The following DLGAP1 variants were observed in gnomAD, a reference collection of about 807,000 sequenced individuals.
The protein encoded by DLGAP1 is DLG associated protein 1.
In DLGAP1, 11 loss-of-function variants were observed where a neutral mutation model predicts 90.8. The observed-to-expected ratio is 0.12, with a 90% CI of 0.08 to 0.20. The LOEUF (loss-of-function observed/expected upper bound fraction) is 0.20, where lower values mean the gene tolerates loss of function less well. Among genes scored for constraint, DLGAP1 ranks in the 10% least tolerant of loss-of-function variants. The pLI is 1.00. For synonymous variants in DLGAP1, 558 were observed against 540.7 expected (o/e 1.03, Z -0.44); for missense variants, 1,050 against 1,333.8 (o/e 0.79, Z 3.31).
At chr18:4,113,901 G>T (rs2076016023) in intron 2 of DLGAP1, among the ~76,000 whole-genome samples, 1 of 151,938 alleles carries the variant, frequency 6.6e-6, no homozygotes, top group Non-Finnish European at 1.5e-5. Flanking sequence ...TATTGACTTT[G>T]TCAAAGATCA....
At chr18:4,452,231 C>T (rs887388630) in intron 1 of DLGAP1, among the ~76,000 whole-genome samples, 3 of 151,958 alleles carry the variant, frequency 2.0e-5, no homozygotes, top group Non-Finnish European at 4.4e-5. Context: ...ATAGAAATTT[C>T]ACTATAGAAA....
intron 1 of DLGAP1, among the ~76,000 whole-genome samples, chr18:4,205,994 G>C (rs2077713579): frequency 6.6e-6 from 1 of 152,158 alleles, no homozygotes; most frequent in Non-Finnish European, 1.5e-5. Flanking sequence ...GAGGTGGAGA[G>C]AGTTGCCTAT....
chr18:3,939,416 C>CAAAAAAAAAAAAA (rs10591716), intron 3 of DLGAP1, among the ~76,000 whole-genome samples: 3 of 82,126 alleles, frequency 3.7e-5, no homozygotes, highest in Admixed American at 1.4e-4. Flanking sequence ...GATTCTGTCT[C>CAAAAAAAAAAAAA]AAAAAAAAAA....
chr18:3,512,300 G>T (rs543639623), intron 10 of DLGAP1, among the ~76,000 whole-genome samples: 1 of 152,182 alleles, frequency 6.6e-6, no homozygotes, highest in Non-Finnish European at 1.5e-5. Context: ...CCCAGACACC[G>T]TATAGGCACC....
intron 3 of DLGAP1, among the ~76,000 whole-genome samples, chr18:3,950,360 C>T (rs1331914411): frequency 3.3e-5 from 5 of 152,230 alleles, no homozygotes; most frequent in Admixed American, 6.5e-5. Flanking sequence ...CCAGTTAGCA[C>T]CTCTTCATGG....
intron 1 of DLGAP1, among the ~76,000 whole-genome samples, chr18:4,289,107 G>A (rs1253307276): frequency 6.6e-6 from 1 of 152,252 alleles, no homozygotes; most frequent in East Asian, 1.9e-4. Flanking sequence ...ATACTGCCCT[G>A]TTCTGACCTA....
chr18:3,632,055 A>G (rs996235039), intron 7 of DLGAP1, among the ~76,000 whole-genome samples: 1 of 152,120 alleles, frequency 6.6e-6, no homozygotes, highest in African/African-American at 2.4e-5. Context: ...GGTTACAGGC[A>G]TGAGCCACTG....
intron 1 of DLGAP1, among the ~76,000 whole-genome samples, chr18:4,402,030 G>A (rs1405150448): frequency 6.6e-6 from 1 of 152,186 alleles, no homozygotes; most frequent in African/African-American, 2.4e-5. Flanking sequence ...CACAGACAGG[G>A]AGAGTAAAGT....
chr18:3,613,812 T>C (rs2057735159), intron 7 of DLGAP1, among the ~76,000 whole-genome samples: 1 of 152,218 alleles, frequency 6.6e-6, no homozygotes, highest in Admixed American at 6.5e-5. Context: ...AACTACAGGA[T>C]GGCTGTTACA....
intron 7 of DLGAP1, among the ~76,000 whole-genome samples, chr18:3,634,396 G>T (rs2058627377): frequency 6.6e-6 from 1 of 152,004 alleles, no homozygotes; most frequent in Admixed American, 6.6e-5. Context: ...TGAAAACTTT[G>T]ATCTCCCTTT....
Position 3,497,398 on chromosome 18 carries a change from G to A in DLGAP1, c.*1787C>T, listed in dbSNP as rs1025963936. The A allele has an allele frequency of 6.6e-6, 1 of 152,154 alleles. No homozygotes were observed. The highest frequency in any genetic ancestry group is 6.6e-5 in the Admixed American group (1 of 15,264). The allele number at this position is 152,154 out of a possible 1,614,324, so 9.4% of individuals were successfully genotyped here. A position where few individuals can be genotyped will look rare whatever the true frequency, so the allele number is the denominator to read the frequency against. ...AGCCCTTTTCTTGTAAACCACAGCA[G>A]TAAACATTTGTGCCCTGTTTATAAA... On this transcript the variant is annotated 3_prime_UTR_variant, in exon 13 of 13. Transcript: ENST00000315677.
At chr18:3,967,509 A>T (rs1364716469) in intron 3 of DLGAP1, among the ~76,000 whole-genome samples, 1 of 152,254 alleles carries the variant, frequency 6.6e-6, no homozygotes, top group Non-Finnish European at 1.5e-5. Flanking sequence ...GTTGAGGCCC[A>T]GGAACCTGAG....
At chr18:3,988,571 C>T (rs1307420049) in intron 3 of DLGAP1, among the ~76,000 whole-genome samples, 12 of 152,064 alleles carry the variant, frequency 7.9e-5, no homozygotes, top group African/African-American at 2.4e-4. Flanking sequence ...ATAGGGTTGG[C>T]GCTCCCATGA....
chr18:4,432,523 G>T (rs1156479746), intron 1 of DLGAP1, among the ~76,000 whole-genome samples: 1 of 151,298 alleles, frequency 6.6e-6, no homozygotes, highest in Non-Finnish European at 1.5e-5. Flanking sequence ...TGCACAAGTT[G>T]ATGTTTTGAT....
chr18:4,370,943 C>T lies in DLGAP1; in HGVS notation c.-267+84063G>A, dbSNP rs2081902610. Among the ~76,000 whole-genome samples the T allele has an allele frequency of 2.0e-5, 3 of 147,434 alleles. No individual in the cohort carries two copies. In the South Asian group the frequency reaches 6.8e-4, roughly 33 times the overall value. On this transcript the variant is annotated intron_variant, in intron 1 of 12. Transcript: ENST00000315677. Reference sequence around the variant, plus strand: ...TGTACACTAGGATGGGAAGTACATACCTCTCCTATCCTTTGGTCAAAATTA... The same window carrying T: ...TGTACACTAGGATGGGAAGTACATATCTCTCCTATCCTTTGGTCAAAATTA...
chr18:4,009,004 C>G (rs753793135), intron 2 of DLGAP1, among the ~76,000 whole-genome samples: 1 of 152,160 alleles, frequency 6.6e-6, no homozygotes. Context: ...CCCGGGTTCA[C>G]GCCGTTCTCC....
At position 4,413,734 on chromosome 18, in the gene DLGAP1, G is replaced by T. The variant is rs75935491; in HGVS notation, c.-267+41272C>A. ...GGGTTTCCTTTGTAGGAAGGCAGTG[G>T]CTCAAAGGAAAGATAAAAGGGTTTC... On this transcript the variant is annotated intron_variant, in intron 1 of 12. Coordinates refer to ENST00000315677, the MANE Select transcript of DLGAP1 (RefSeq NM_004746.4). 9.7e-3 allele frequency among the ~76,000 whole-genome samples: 1,481 copies of T among 152,298 alleles called. 14 individuals are homozygous for T. The highest frequency in any genetic ancestry group is 0.014 in the Non-Finnish European group (969 of 68,032).
At chr18:3,583,168 ACCTACCTACCTACCTACC>A (rs2055643921) in intron 7 of DLGAP1, among the ~76,000 whole-genome samples, 56 of 127,058 alleles carry the variant, frequency 4.4e-4, no homozygotes, top group South Asian at 2.8e-3. Flanking sequence ...CTACCTACCT[ACCTACCTACCTACCTACC>A]TTCCTTCCTT....
intron 8 of DLGAP1, among the ~76,000 whole-genome samples, chr18:3,575,608 A>G (rs1286931308): frequency 6.6e-6 from 1 of 152,122 alleles, no homozygotes; most frequent in Admixed American, 6.5e-5. Context: ...GAAATCTCAT[A>G]TTTTGCTCTA....
Sources: gnomAD v4.1 joint callset for allele counts (sites outside exome capture counted in the v4.1 genomes callset) on GRCh38, gnomAD v4.1.1 for gene constraint, MANE v1.5 for transcripts, NCBI Gene and HGNC (gene_info 2026-07-23, HGNC 2026-07-21) for gene names.